ARSB: variants seen among roughly 807,000 people sequenced by gnomAD.
ARSB encodes arylsulfatase B, also known as N-acetylgalactosamine-4-sulfatase.
In ARSB, 41 loss-of-function variants were observed where a neutral mutation model predicts 50.9. The ratio of observed to expected loss-of-function variants is 0.81; its 90% CI spans 0.63 to 1.04. The LOEUF is 1.04. ARSB is among the 50% of genes least tolerant of loss of function. The probability of loss-of-function intolerance (pLI) is 0.00; values close to 1 mark genes in which losing one functional copy is unlikely to be tolerated. For synonymous variants in ARSB, 269 were observed against 284.8 expected (o/e 0.94, Z 0.56); for missense variants, 672 against 693.3 (o/e 0.97, Z 0.35).
rs60622885 is a variant in ARSB, at chr5:78,905,344, G to GTTTTTTTTTTTTTTTTTTTTTTTTT, written c.899-19518_899-19517insAAAAAAAAAAAAAAAAAAAAAAAAA. Among the ~76,000 whole-genome samples the GTTTTTTTTTTTTTTTTTTTTTTTTT allele has an allele frequency of 6.1e-5, 8 of 130,542 alleles. 3 individuals are homozygous for GTTTTTTTTTTTTTTTTTTTTTTTTT. The highest frequency in any genetic ancestry group is 6.4e-5 in the Non-Finnish European group (4 of 62,456). The allele number at this position is 130,542 out of a possible 152,430, so 85.6% of individuals were successfully genotyped here. ...CCTTGAGTACTGCTCGTATTTTCCT[G>GTTTTTTTTTTTTTTTTTTTTTTTTT]TTTTTTTTTTTTTGTATAATGAGTA... On this transcript the variant is annotated intron_variant, in intron 4 of 7. Transcript: ENST00000264914.
rs778917256 is a variant in ARSB at position 78,780,641 on chromosome 5, G to A, written c.1358C>T (p.Pro453Leu). 24 of 1,613,990 alleles carry A rather than the reference G, an allele frequency of 1.5e-5. No homozygotes were observed. The highest frequency in any genetic ancestry group is 2.0e-5 in the Non-Finnish European group (24 of 1,180,014). Residue 453 changes from proline (P) to leucine (L), a missense_variant, in exon 8 of 8, where the codon CCA becomes CTA. Transcript: ENST00000264914. ...GYPGCGYWFP[P>L]PSQYNVSEIP... is the part of the protein sequence containing the mutation. The stretch of plus-strand genomic sequence containing the variant: ...CTCAGAAACATTGTATTGAGACGGT[G>A]GAGGGAACCAGTAACCACAGCCTAG...
intron 4 of ARSB, among the ~76,000 whole-genome samples, chr5:78,929,083 C>T (rs1257153521): frequency 6.6e-6 from 1 of 152,198 alleles, no homozygotes; most frequent in Non-Finnish European, 1.5e-5. Flanking sequence ...TAAGAAGCTC[C>T]TCAATGACCC....
intron 4 of ARSB, among the ~76,000 whole-genome samples, chr5:78,887,781 C>T (rs1351025714): frequency 6.6e-6 from 1 of 152,196 alleles, no homozygotes; most frequent in African/African-American, 2.4e-5. Context: ...CCCTAGAGCA[C>T]CACACTCCTG....
intron 3 of ARSB, among the ~76,000 whole-genome samples, chr5:78,963,995 T>C (rs982003331): frequency 6.6e-6 from 1 of 152,208 alleles, no homozygotes; most frequent in Admixed American, 6.5e-5. Flanking sequence ...TTTGTCATAA[T>C]AAAGCCTCAC....
chr5:78,809,263 G>T (rs552301512), intron 6 of ARSB, among the ~76,000 whole-genome samples: 2 of 152,338 alleles, frequency 1.3e-5, no homozygotes, highest in South Asian at 4.1e-4. Context: ...GGCTGGGAAG[G>T]ACTTGCCAAG....
chr5:78,784,015 A>AAAAG (rs1214691501), intron 6 of ARSB, among the ~76,000 whole-genome samples: 5 of 152,068 alleles, frequency 3.3e-5, no homozygotes, highest in Non-Finnish European at 5.9e-5. Context: ...TAAAAAAAAT[A>AAAAG]AAAGAAACTG....
intron 4 of ARSB, among the ~76,000 whole-genome samples, chr5:78,889,021 G>C (rs910597932): frequency 6.6e-6 from 1 of 152,190 alleles, no homozygotes; most frequent in Non-Finnish European, 1.5e-5. Flanking sequence ...GTTCAGCTTC[G>C]CCTGTCCTTG....
intron 5 of ARSB, among the ~76,000 whole-genome samples, chr5:78,840,892 G>A (rs559560075): frequency 2.0e-5 from 3 of 152,214 alleles, no homozygotes; most frequent in Middle Eastern, 3.4e-3. Flanking sequence ...CAGGAACTAC[G>A]GTTTGATCCC....
rs1427835458 is a variant in ARSB, at chr5:78,893,443, A to C, written c.899-7616T>G. Among the ~76,000 whole-genome samples, 854 of 152,294 alleles carry C rather than the reference A, an allele frequency of 5.6e-3. 12 individuals are homozygous for C. The highest frequency in any genetic ancestry group is 0.02 in the African/African-American group (822 of 41,542). Reference sequence around the variant, plus strand: ...ATGTTATAAAAGTTTGTAGTAAAATATTTCCTCACTTTAATGAGGCTAATG... The same window carrying C: ...ATGTTATAAAAGTTTGTAGTAAAATCTTTCCTCACTTTAATGAGGCTAATG... On this transcript the variant is annotated intron_variant, in intron 4 of 7. Coordinates refer to ENST00000264914, the MANE Select transcript of ARSB (RefSeq NM_000046.5).
At chr5:78,865,801 C>G (rs1035774907) in intron 5 of ARSB, among the ~76,000 whole-genome samples, 8 of 152,172 alleles carry the variant, frequency 5.3e-5, no homozygotes, top group African/African-American at 1.9e-4. Context: ...TTCCACAAAT[C>G]TCTAGGGCAG....
chr5:78,856,150 C>A (rs547555674), intron 5 of ARSB, among the ~76,000 whole-genome samples: 3 of 152,202 alleles, frequency 2.0e-5, no homozygotes, highest in South Asian at 4.2e-4. Context: ...TTCCAATAGT[C>A]TTTTCAATAG....
At chr5:78,859,709 C>T (rs1396361305) in intron 5 of ARSB, among the ~76,000 whole-genome samples, 3 of 151,826 alleles carry the variant, frequency 2.0e-5, no homozygotes, top group African/African-American at 7.3e-5. Context: ...AGGGGCTATG[C>T]TAAACAAACA....
chr5:78,965,934 G>A (rs1752187724), intron 2 of ARSB, among the ~76,000 whole-genome samples: 1 of 152,030 alleles, frequency 6.6e-6, no homozygotes, highest in South Asian at 2.1e-4. Context: ...AATGGAAAAC[G>A]AAATACAAAG....
intron 6 of ARSB, among the ~76,000 whole-genome samples, chr5:78,837,629 A>G (rs1745008513): frequency 5.3e-5 from 8 of 152,228 alleles, no homozygotes; most frequent in Admixed American, 5.2e-4. Flanking sequence ...AACACTAACA[A>G]TATATTTAAT....
intron 6 of ARSB, among the ~76,000 whole-genome samples, chr5:78,827,725 C>T (rs1363064632): frequency 6.6e-6 from 1 of 152,164 alleles, no homozygotes; most frequent in East Asian, 1.9e-4. Context: ...TCAGGCAGTG[C>T]CTAAACCAGC....
chr5:78,863,199 C>T (rs189343727), intron 5 of ARSB, among the ~76,000 whole-genome samples: 176 of 152,232 alleles, frequency 1.2e-3, no homozygotes, highest in African/African-American at 4.0e-3. Flanking sequence ...GACAGTGTGG[C>T]GATTCCTCAA....
At chr5:78,862,481 AC>A in intron 5 of ARSB, among the ~76,000 whole-genome samples, 1 of 152,330 alleles carries the variant, frequency 6.6e-6, no homozygotes, top group East Asian at 1.9e-4. Flanking sequence ...GACAAACCTG[AC>A]AAAAACAAGA....
At chr5:78,901,488 A>C (rs1748803179) in intron 4 of ARSB, among the ~76,000 whole-genome samples, 1 of 152,208 alleles carries the variant, frequency 6.6e-6, no homozygotes, top group Non-Finnish European at 1.5e-5. Context: ...CTAGTAAAAC[A>C]ACCACATTTA....
At chr5:78,923,425 C>T (rs1028047034) in intron 4 of ARSB, among the ~76,000 whole-genome samples, 3 of 152,224 alleles carry the variant, frequency 2.0e-5, no homozygotes, top group Non-Finnish European at 2.9e-5. Context: ...CCTGCTCTGA[C>T]CTGGTCACCA....
Sources: gnomAD v4.1 joint callset for allele counts (sites outside exome capture counted in the v4.1 genomes callset) on GRCh38, gnomAD v4.1.1 for gene constraint, MANE v1.5 for transcripts, NCBI Gene and HGNC (gene_info 2026-07-23, HGNC 2026-07-21) for gene names.